The following GALNT13 variants were observed in gnomAD, a reference collection of about 807,000 sequenced individuals.
The protein encoded by GALNT13 is polypeptide N-acetylgalactosaminyltransferase 13, also known as UDP-GalNAc:polypeptide N-acetylgalactosaminyltransferase 13.
A neutral mutation model predicts 64.2 loss-of-function variants in GALNT13; 28 were observed. The ratio of observed to expected loss-of-function variants is 0.44; its 90% CI spans 0.32 to 0.60. GALNT13 has a LOEUF of 0.60. GALNT13 is among the 20% of genes least tolerant of loss of function. The pLI is 0.05. For synonymous variants in GALNT13, 214 were observed against 224.6 expected (o/e 0.95, Z 0.42); for missense variants, 577 against 669.8 (o/e 0.86, Z 1.53).
the GALNT13 span, among the ~76,000 whole-genome samples, chr2:153,481,844 A>T: frequency 1.3e-5 from 2 of 152,200 alleles, no homozygotes; most frequent in Non-Finnish European, 2.9e-5. Flanking sequence ...CTTTTTGTAC[A>T]TTATGAAAAT....
intron 2 of GALNT13, among the ~76,000 whole-genome samples, chr2:153,916,291 G>T (rs1689340932): frequency 6.6e-6 from 1 of 151,748 alleles, no homozygotes; most frequent in African/African-American, 2.4e-5. Flanking sequence ...TGAGTATCCG[G>T]GATGATTGGT....
chr2:154,104,976 G>A (rs934738064), intron 3 of GALNT13, among the ~76,000 whole-genome samples: 8 of 152,116 alleles, frequency 5.3e-5, no homozygotes, highest in African/African-American at 7.2e-5. Flanking sequence ...CCACAGTGTT[G>A]CCCAGACTTG....
the GALNT13 span, among the ~76,000 whole-genome samples, chr2:153,726,025 T>C: frequency 6.8e-5 from 10 of 146,972 alleles, no homozygotes; most frequent in African/African-American, 1.9e-4. Flanking sequence ...ATGTAAGTTA[T>C]TATTCTGTTG....
intron 1 of GALNT13, among the ~76,000 whole-genome samples, chr2:153,884,454 AG>A (rs1686996924): frequency 6.6e-6 from 1 of 151,740 alleles, no homozygotes; most frequent in Admixed American, 6.6e-5. Flanking sequence ...GTTGGGGTTG[AG>A]GGGGTTTACT....
At chr2:153,656,868 G>T in the GALNT13 span, among the ~76,000 whole-genome samples, 1 of 152,094 alleles carries the variant, frequency 6.6e-6, no homozygotes, top group South Asian at 2.1e-4. Context: ...AAAAAGAGAG[G>T]TTAAAGCGCT....
chr2:153,730,167 G>A, the GALNT13 span, among the ~76,000 whole-genome samples: 1 of 151,932 alleles, frequency 6.6e-6, no homozygotes, highest in African/African-American at 2.4e-5. Context: ...AAAGTGGGAG[G>A]CATCACATTA....
the GALNT13 span, among the ~76,000 whole-genome samples, chr2:153,257,984 A>G: frequency 9.8e-4 from 149 of 152,260 alleles, no homozygotes; most frequent in Middle Eastern, 3.4e-3. Context: ...AAAGAATGTC[A>G]CTTTCTAACA....
chr2:153,505,758 A>T, the GALNT13 span, among the ~76,000 whole-genome samples: 12 of 151,874 alleles, frequency 7.9e-5, no homozygotes, highest in African/African-American at 2.7e-4. Flanking sequence ...ATTTACTGAG[A>T]CTTGTTTTGT....
At chr2:153,849,906 A>C in the GALNT13 span, among the ~76,000 whole-genome samples, 1 of 151,348 alleles carries the variant, frequency 6.6e-6, no homozygotes, top group Non-Finnish European at 1.5e-5. Context: ...TCATGCCTGT[A>C]ATCCCAGCAC....
chr2:153,725,984 C>T, the GALNT13 span, among the ~76,000 whole-genome samples: 1 of 151,988 alleles, frequency 6.6e-6, no homozygotes, highest in South Asian at 2.1e-4. Flanking sequence ...TAGAGTAGCT[C>T]TTTCTTCTTT....
At chr2:153,861,424 G>C in the GALNT13 span, among the ~76,000 whole-genome samples, 2 of 152,114 alleles carry the variant, frequency 1.3e-5, no homozygotes, top group Non-Finnish European at 2.9e-5. Flanking sequence ...CAAATAAAAT[G>C]ACAACTTTGT....
At chr2:154,417,385 C>T (rs1039079994) in intron 11 of GALNT13, among the ~76,000 whole-genome samples, 1 of 150,796 alleles carries the variant, frequency 6.6e-6, no homozygotes, top group African/African-American at 2.4e-5. Context: ...ACTCCATCAA[C>T]TTTATGGACC....
intron 3 of GALNT13, among the ~76,000 whole-genome samples, chr2:153,992,479 C>T (rs938135936): frequency 1.6e-4 from 24 of 152,080 alleles, no homozygotes; most frequent in East Asian, 5.8e-4. Flanking sequence ...GGAACAGGAC[C>T]GAGTAATTTA....
intron 3 of GALNT13, among the ~76,000 whole-genome samples, chr2:154,023,448 A>G (rs1349777977): frequency 1.3e-5 from 2 of 152,166 alleles, no homozygotes; most frequent in Non-Finnish European, 2.9e-5. Context: ...CCATTATGTG[A>G]TGGCCTTCTT....
At chr2:153,510,838 G>A in the GALNT13 span, among the ~76,000 whole-genome samples, 3 of 151,994 alleles carry the variant, frequency 2.0e-5, no homozygotes, top group African/African-American at 7.2e-5. Flanking sequence ...GGAGAGCCGT[G>A]GTGTAGGTTT....
At chr2:154,300,688 A>C (rs542124192) in intron 8 of GALNT13, among the ~76,000 whole-genome samples, 4 of 152,256 alleles carry the variant, frequency 2.6e-5, no homozygotes, top group African/African-American at 7.2e-5. Context: ...GCTAGTTTGC[A>C]TAATACTTAG....
At chr2:153,301,901 G>T in the GALNT13 span, among the ~76,000 whole-genome samples, 1 of 151,742 alleles carries the variant, frequency 6.6e-6, no homozygotes, top group East Asian at 1.9e-4. Flanking sequence ...GTGTGTGTGT[G>T]TGTGTGTGTG....
the GALNT13 span, among the ~76,000 whole-genome samples, chr2:153,578,660 A>G: frequency 5.3e-4 from 81 of 152,348 alleles, no homozygotes; most frequent in African/African-American, 1.8e-3. Flanking sequence ...TTCAAGGGCT[A>G]TGATTTTATC....
intron 2 of GALNT13, among the ~76,000 whole-genome samples, chr2:153,924,369 G>A (rs1689969150): frequency 6.6e-6 from 1 of 152,058 alleles, no homozygotes; most frequent in Admixed American, 6.6e-5. Context: ...CTCCATCCAT[G>A]TTCCTGCACA....
Sources: gnomAD v4.1 joint callset for allele counts (sites outside exome capture counted in the v4.1 genomes callset) on GRCh38, gnomAD v4.1.1 for gene constraint, MANE v1.5 for transcripts, NCBI Gene and HGNC (gene_info 2026-07-23, HGNC 2026-07-21) for gene names.